Variants in VPS13D observed in about 807,000 individuals in gnomAD.
VPS13D encodes intermembrane lipid transfer protein VPS13D.
A neutral mutation model predicts 461.9 loss-of-function variants in VPS13D; 187 were observed. The ratio of observed to expected loss-of-function variants is 0.40; its 90% CI spans 0.36 to 0.46. The LOEUF is 0.46. Among genes scored for constraint, VPS13D ranks in the 20% least tolerant of loss-of-function variants. The probability of loss-of-function intolerance (pLI) is 0.60; values close to 1 mark genes in which losing one functional copy is unlikely to be tolerated. For synonymous variants in VPS13D, 1,951 were observed against 1,986.3 expected (o/e 0.98, Z 0.47); for missense variants, 4,711 against 5,364.9 (o/e 0.88, Z 3.81).
intron 27 of VPS13D, among the ~76,000 whole-genome samples, chr1:12,311,190 A>G (rs1275981833): frequency 6.6e-6 from 1 of 152,172 alleles, no homozygotes; most frequent in African/African-American, 2.4e-5. Flanking sequence ...TGCTGGGATT[A>G]TAGGTGTGAG....
At chr1:12,269,467 C>T (rs1641369865) in intron 16 of VPS13D, among the ~76,000 whole-genome samples, 2 of 152,306 alleles carry the variant, frequency 1.3e-5, no homozygotes, top group Middle Eastern at 3.4e-3. Flanking sequence ...GATCTCCATA[C>T]TTTTTATTTC....
chr1:12,386,448 C>T, intron 60 of VPS13D, 114 bp downstream of exon 60: 1 of 1,247,450 alleles, frequency 8.0e-7, no homozygotes. Flanking sequence ...TATCTTGTGG[C>T]CTTCAAAAAA....
intron 38 of VPS13D, among the ~76,000 whole-genome samples, chr1:12,335,138 C>A (rs1473624349): frequency 6.6e-6 from 1 of 152,202 alleles, no homozygotes; most frequent in African/African-American, 2.4e-5. Context: ...ATGATCTCGG[C>A]TCACTGCAAC....
chr1:12,417,797 A>C (rs143039644), intron 65 of VPS13D, among the ~76,000 whole-genome samples: 1 of 152,080 alleles, frequency 6.6e-6, no homozygotes, highest in Non-Finnish European at 1.5e-5. Context: ...TCCCCAAACT[A>C]TTTTCTAGGG....
rs1196736433 is a variant in VPS13D at position 12,346,652 on chromosome 1, T to C, written c.9069T>C (p.Tyr3023=). Residue 3023 remains tyrosine (Y), a splice_region_variant and synonymous_variant, in exon 44 of 70, where the codon TAT becomes TAC. Transcript: ENST00000620676. ...CAAATATTATACATCCCCAGGTTTATGTAAGTATGATTTTCCTGTTGTCAT... is the reference window on the plus strand; with the variant it reads ...CAAATATTATACATCCCCAGGTTTACGTAAGTATGATTTTCCTGTTGTCAT... The part of the protein sequence containing the change: ...SRTNIIHPQV[Y]FSSLPPVRVV... 3.1e-6 allele frequency: 5 copies of C among 1,612,834 alleles called. No individual in the cohort carries two copies. Among genetic ancestry groups the C allele is most frequent in the Non-Finnish European group, 4.2e-6 (5 of 1,179,650 alleles).
chr1:12,473,314 A>G lies in VPS13D; in HGVS notation c.12662+12918A>G, dbSNP rs866482853. On this transcript the variant is annotated intron_variant, in intron 67 of 69. Transcript: ENST00000620676. This position sits in a 1 kb window ranked among gnomAD's most constrained non-coding sequence, Gnocchi z 4.2. ...ATCACAGGTTCTTCCCCAGTTCTGA[A>G]AAAGAAATAGGAAGGGGCAACGTGG... is the stretch of plus-strand genomic sequence containing the variant. 6.6e-6 allele frequency among the ~76,000 whole-genome samples: 1 copy of G among 152,234 alleles called. No individual in the cohort carries two copies. The highest frequency in any genetic ancestry group is 2.4e-5 in the African/African-American group (1 of 41,464).
chr1:12,373,511 GA>G (rs2101633685), intron 54 of VPS13D, among the ~76,000 whole-genome samples: 1 of 152,038 alleles, frequency 6.6e-6, no homozygotes, highest in South Asian at 2.1e-4. Flanking sequence ...AAATTATGAA[GA>G]GAAGAAAAAT....
At position 12,505,180 on chromosome 1, in the gene VPS13D, T is replaced by C. The variant is rs1646088655; in HGVS notation, c.12795-1673T>C. Among the ~76,000 whole-genome samples the C allele has an allele frequency of 1.3e-5, 2 of 152,182 alleles. No homozygotes were observed. Among genetic ancestry groups the C allele is most frequent in the Non-Finnish European group, 2.9e-5 (2 of 68,030 alleles). ...GGTCTCATCTCAGATCCCCGCCAGT[T>C]CTGGCTGGCGCTGTGTCACCTCTTC... On this transcript the variant is annotated intron_variant, in intron 68 of 69. Transcript: ENST00000620676. The surrounding 1 kb of genome is among the most constrained non-coding windows in gnomAD (Gnocchi z 4.2).
At chr1:12,283,852 A>C (rs954384036) in intron 21 of VPS13D, 116 bp downstream of exon 21, 2 of 1,108,134 alleles carry the variant, frequency 1.8e-6, no homozygotes, top group Non-Finnish European at 1.2e-6. Flanking sequence ...CAGGGGAGCT[A>C]TCTAGTCTTC....
rs1192088903 is a variant in VPS13D at position 12,285,970 on chromosome 1, TTCCTTTCCTTTCCTTTCCTTTCCTC to T, written c.5634+2239_5635-2224del. ...TTCCTTTCCTTTCCTTTCCTTTCCT[TTCCTTTCCTTTCCTTTCCTTTCCTC>T]TCCTCTCCTCTCCTCTCCTCTCCTC... On this transcript the variant is annotated intron_variant, in intron 21 of 69. Coordinates refer to ENST00000620676, the MANE Select transcript of VPS13D (RefSeq NM_015378.4). Among the ~76,000 whole-genome samples the T allele has an allele frequency of 1.0e-3, 137 of 131,846 alleles. 1 individual carries two copies. The highest frequency in any genetic ancestry group is 4.0e-3 in the East Asian group (19 of 4,738). The allele number at this position is 131,846 out of a possible 152,430, so 86.5% of individuals were successfully genotyped here.
rs1420917449 is a variant in VPS13D, at chr1:12,276,442, T to A, written c.2854T>A (p.Ser952Thr). 1.2e-6 allele frequency: 2 copies of A among 1,613,794 alleles called. No individual in the cohort carries two copies. Among genetic ancestry groups the A allele is most frequent in the Non-Finnish European group, 1.7e-6 (2 of 1,179,948 alleles). Residue 952 changes from serine to threonine, a missense_variant, in exon 19 of 70, where the codon TCG becomes ACG. By Grantham distance (58) the Ser-to-Thr change is moderately conservative (BLOSUM62 1). Transcript: ENST00000620676. This position sits in a 1 kb window ranked among gnomAD's most constrained non-coding sequence, Gnocchi z 4.5. ...GCATACCCGCGAGGTTCTGGTGGAG[T>A]CGCAGCTCCTCCTGGCGGAATTTAA... ...EQHTREVLVE[S>T]QLLLAEFKVN...
rs181710032 is a variant in VPS13D, at chr1:12,481,469, C to G, written c.12663-16031C>G. Among the ~76,000 whole-genome samples the G allele has an allele frequency of 1.8e-3, 279 of 152,266 alleles. 1 individual carries two copies. The Middle Eastern group carries it at 0.024, about 13-fold the overall frequency. ...AGGCAAGACCTACAGTCCAGGAGTT[C>G]AAATGGATTCAGTGTTGTTGGTTCT... On this transcript the variant is annotated intron_variant, in intron 67 of 69. Transcript: ENST00000620676.
At chr1:12,381,985 TC>T (rs1557745745) in intron 57 of VPS13D, among the ~76,000 whole-genome samples, 26 of 147,140 alleles carry the variant, frequency 1.8e-4, no homozygotes, top group African/African-American at 6.6e-4. Flanking sequence ...TTTCTTTCTC[TC>T]TCTCTCTCTC....
intron 58 of VPS13D, among the ~76,000 whole-genome samples, chr1:12,383,758 C>T (rs368674884): frequency 6.6e-6 from 1 of 152,206 alleles, no homozygotes; most frequent in East Asian, 1.9e-4. Context: ...AGGTACGGAA[C>T]ATTTACCAGT....
chr1:12,318,846 A>G (rs1237085518), intron 31 of VPS13D, among the ~76,000 whole-genome samples: 1 of 152,072 alleles, frequency 6.6e-6, no homozygotes, highest in Non-Finnish European at 1.5e-5. Flanking sequence ...TTGTGTATTT[A>G]TTGTTATGTT....
chr1:12,266,734 A>T, intron 13 of VPS13D, 147 bp from the exon 14 acceptor site: 1 of 759,966 alleles, frequency 1.3e-6, no homozygotes, highest in Non-Finnish European at 2.0e-6. Flanking sequence ...GCCTGTAGAT[A>T]GATAGGGTTT....
intron 2 of VPS13D, among the ~76,000 whole-genome samples, chr1:12,240,203 C>T (rs972901972): frequency 3.3e-5 from 5 of 152,000 alleles, no homozygotes; most frequent in African/African-American, 9.7e-5. Flanking sequence ...TTTCGTGGTG[C>T]GAGTTGCCTG....
chr1:12,291,399 C>A (rs896192360), intron 23 of VPS13D, among the ~76,000 whole-genome samples: 2 of 152,078 alleles, frequency 1.3e-5, no homozygotes, highest in African/African-American at 4.8e-5. Context: ...GAGGCCAAGG[C>A]AGATGGATTG....
At chr1:12,331,691 G>A (rs947432090) in intron 37 of VPS13D, among the ~76,000 whole-genome samples, 4 of 137,760 alleles carry the variant, frequency 2.9e-5, no homozygotes, top group Admixed American at 7.8e-5. Flanking sequence ...CAGCCTAGGC[G>A]ACAGAGCGAG....
Sources: allele counts gnomAD v4.1 joint callset (sites outside exome capture counted in the v4.1 genomes callset), GRCh38; gene constraint gnomAD v4.1.1; non-coding constraint Gnocchi (gnomAD v3.1); transcripts MANE v1.5; gene names NCBI Gene and HGNC (gene_info 2026-07-23, HGNC 2026-07-21).